COG4: variants seen among roughly 807,000 people sequenced by gnomAD.
COG4 encodes the protein component of oligomeric golgi complex 4, also known as conserved oligomeric Golgi complex subunit 4.
A neutral mutation model predicts 95.1 loss-of-function variants in COG4; 65 were observed. The observed-to-expected ratio is 0.68, with a 90% CI of 0.56 to 0.84. The LOEUF (loss-of-function observed/expected upper bound fraction) is 0.84, where lower values mean the gene tolerates loss of function less well. Among genes scored for constraint, COG4 ranks in the 40% least tolerant of loss-of-function variants. The probability of loss-of-function intolerance (pLI) is 0.00; values close to 1 mark genes in which losing one functional copy is unlikely to be tolerated. For missense variants in COG4, 1,045 were observed against 989.1 expected (o/e 1.06, Z -0.76); for synonymous variants, 421 against 374.8 (o/e 1.12, Z -1.42).
At chr16:70,497,453 G>A (rs1274776798) in intron 10 of COG4, 66 bp from the exon 11 acceptor site, 5 of 1,498,008 alleles carry the variant, frequency 3.3e-6, no homozygotes, top group Admixed American at 3.3e-5. Flanking sequence ...GATGATTCTG[G>A]GTACACTGGC....
rs772831502 is a variant in COG4 at position 70,491,824 on chromosome 16, CAAA to C, written c.1648-1435_1648-1433del. On this transcript the variant is annotated intron_variant, in intron 12 of 18. Transcript: ENST00000323786. The stretch of plus-strand genomic sequence containing the variant: ...CGGTGACAAGAACAAAACTACGTCT[CAAA>C]AAAAAAAAAAAAAAAAAAAAGTAAA... Among the ~76,000 whole-genome samples the C allele has an allele frequency of 5.2e-4, 31 of 59,336 alleles. 1 individual carries two copies. The highest frequency in any genetic ancestry group is 1.1e-3 in the African/African-American group (26 of 23,196). The allele number at this position is 59,336 out of a possible 152,430, so 38.9% of individuals were successfully genotyped here.
chr16:70,489,060 TG>T (rs1303897075), intron 13 of COG4, among the ~76,000 whole-genome samples: 3 of 152,138 alleles, frequency 2.0e-5, no homozygotes, highest in Admixed American at 2.0e-4. Flanking sequence ...GATTTGAACT[TG>T]GGGTATCTGG....
At chr16:70,483,475 C>T (rs983312057) in intron 14 of COG4, among the ~76,000 whole-genome samples, 11 of 151,682 alleles carry the variant, frequency 7.3e-5, no homozygotes, top group African/African-American at 2.2e-4. Context: ...TCCAGGGTAA[C>T]GATGAGGCCT....
At chr16:70,496,913 A>G (rs933134126) in intron 11 of COG4, among the ~76,000 whole-genome samples, 1 of 152,218 alleles carries the variant, frequency 6.6e-6, no homozygotes, top group African/African-American at 2.4e-5. Flanking sequence ...GCAGGAGATT[A>G]GCATAGTGCT....
intron 8 of COG4, among the ~76,000 whole-genome samples, chr16:70,506,623 A>AAAAC (rs2049580611): frequency 3.8e-5 from 5 of 133,166 alleles, no homozygotes; most frequent in Admixed American, 7.5e-5. Flanking sequence ...AAAAACAAAA[A>AAAAC]AAAAAACATT....
intron 13 of COG4, among the ~76,000 whole-genome samples, chr16:70,489,026 A>C (rs1287972325): frequency 6.6e-6 from 1 of 152,194 alleles, no homozygotes; most frequent in Non-Finnish European, 1.5e-5. Context: ...CTAAGGTCAC[A>C]CAGCTGGGCA....
At chr16:70,484,262 T>G (rs1183032175) in intron 13 of COG4, among the ~76,000 whole-genome samples, 1 of 152,192 alleles carries the variant, frequency 6.6e-6, no homozygotes, top group African/African-American at 2.4e-5. Context: ...CATGTATTAG[T>G]TGAGTGACCT....
In COG4 at chr16:70,482,811, G is replaced by C. The variant is rs755376017; in HGVS notation, c.1838C>G (p.Thr613Arg). 7 of 1,613,444 alleles carry C rather than the reference G, an allele frequency of 4.3e-6. No individual in the cohort carries two copies. The highest frequency in any genetic ancestry group is 1.1e-5 in the South Asian group (1 of 91,074). Residue 613 changes from threonine to arginine, a missense_variant, in exon 15 of 19, where the codon ACG becomes AGG. Thr to Arg is a moderately conservative substitution (Grantham distance 71). Transcript: ENST00000323786. ...KFRDLLQEGL[T>R]ELNSTAIKPQ... ...CTTGATGGCTGTGCTGTTGAGCTCC[G>C]TCAGCCCTTCCTGCACAAGGACAAG...
At position 70,512,382 on chromosome 16, in the gene COG4, G is replaced by A. The variant is rs2049726749; in HGVS notation, c.595C>T (p.Leu199Phe). Residue 199 changes from leucine (L) to phenylalanine (F), a missense_variant, in exon 5 of 19, where the codon CTC becomes TTC. Transcript: ENST00000323786. ...AACTTCTCTGCCACAATGGCTTTGA[G>A]ACGTTGCTCAGCTTCCTGCAGCAAT... Reference protein sequence around the residue: ...LKLLQEAEQRLKAIVAEKFAI... With the variant: ...LKLLQEAEQRFKAIVAEKFAI... The A allele has an allele frequency of 1.9e-6, 3 of 1,614,194 alleles. No homozygotes were observed. The highest frequency in any genetic ancestry group is 2.5e-6 in the Non-Finnish European group (3 of 1,180,038).
In COG4 at chr16:70,514,519, G is replaced by T; in HGVS notation, c.370-10C>A. ...CCTGATAGAGGCGGTTCTGCAAAAA[G>T]ATTTGGTACTTACAAACAATGTCCT... is the stretch of plus-strand genomic sequence containing the variant. On this transcript the variant is annotated splice_polypyrimidine_tract_variant and intron_variant, in intron 3 of 18. Coordinates refer to ENST00000323786, the MANE Select transcript of COG4 (RefSeq NM_015386.3). 3 of 1,612,462 alleles carry T rather than the reference G, an allele frequency of 1.9e-6. No homozygotes were observed. The highest frequency in any genetic ancestry group is 2.5e-6 in the Non-Finnish European group (3 of 1,178,912).
Position 70,501,818 on chromosome 16 carries a change from ATT to A in COG4, c.1062-729_1062-728del, listed in dbSNP as rs746516643. Among the ~76,000 whole-genome samples the A allele has an allele frequency of 3.4e-4, 47 of 136,274 alleles. 1 individual carries two copies. The highest frequency in any genetic ancestry group is 7.6e-4 in the African/African-American group (29 of 38,016). The allele number at this position is 136,274 out of a possible 152,430, so 89.4% of individuals were successfully genotyped here. On this transcript the variant is annotated intron_variant, in intron 8 of 18. Transcript: ENST00000323786. ...AGGAGTGTGCCACCCCACCTGGCAG[ATT>A]TTTTTTTTTTTTTTCAGATTTTTGT...
intron 14 of COG4, 63 bp from the exon 15 acceptor site, chr16:70,482,884 T>TTCTCCCCATCCCTTCCCTCTATCC (rs2049029923): frequency 4.9e-6 from 6 of 1,233,532 alleles, no homozygotes; most frequent in African/African-American, 1.5e-5. Context: ...TCCCTCTCTC[T>TTCTCCCCATCCCTTCCCTCTATCC]TCTCCCCATC....
intron 1 of COG4, among the ~76,000 whole-genome samples, chr16:70,521,641 CCAA>C (rs1285894329): frequency 2.0e-5 from 3 of 151,988 alleles, no homozygotes; most frequent in African/African-American, 7.3e-5. Context: ...AATTTTCCAC[CCAA>C]CATATTAAAT....
At chr16:70,502,897 C>T (rs1011579545) in intron 8 of COG4, among the ~76,000 whole-genome samples, 1 of 152,138 alleles carries the variant, frequency 6.6e-6, no homozygotes, top group Non-Finnish European at 1.5e-5. Context: ...TCAATGAGCG[C>T]TAGGACAATT....
chr16:70,523,413 T>C lies in COG4; in HGVS notation c.131A>G (p.Gln44Arg), dbSNP rs1385248920. 6.2e-7 allele frequency: 1 copy of C among 1,614,170 alleles called. No homozygotes were observed. Among genetic ancestry groups the C allele is most frequent in the Admixed American group, 1.7e-5 (1 of 60,020 alleles). ...AELIRSLTEL[Q>R]ELEAVYERLC... ...CCGTTCGTATACAGCCTCCAGCTCC[T>C]GCAGCTCTGTCAGGGAGCGAATGAG... Residue 44 changes from glutamine to arginine, a missense_variant, in exon 1 of 19, where the codon CAG (glutamine) becomes CGG (arginine). Gln to Arg is a conservative substitution (Grantham distance 43). Transcript: ENST00000323786.
chr16:70,497,530 C>G (rs993175594), intron 10 of COG4, 143 bp from the exon 11 acceptor site: 9 of 809,994 alleles, frequency 1.1e-5, no homozygotes, highest in Middle Eastern at 3.4e-4. Context: ...TCCTCCTTGT[C>G]AAAATAGCTT....
In COG4 at chr16:70,509,257, T is replaced by C. The variant is rs776692834; in HGVS notation, c.976A>G (p.Ile326Val). 11 of 1,614,214 alleles carry C rather than the reference T, an allele frequency of 6.8e-6. No individual in the cohort carries two copies. The highest frequency in any genetic ancestry group is 8.5e-6 in the Non-Finnish European group (10 of 1,180,048). Residue 326 changes from isoleucine to valine, a missense_variant, in exon 7 of 19, where the codon ATC becomes GTC. By Grantham distance (29) the Ile-to-Val change is conservative. Coordinates refer to ENST00000323786, the MANE Select transcript of COG4 (RefSeq NM_015386.3). ...RQVEKVVDKF[I>V]KQRDYHQQFR... ...TGCTGGTGGTAGTCCCTTTGCTTGATGAACTTGTCTACCACCTTCTCCACC... is the reference window on the plus strand; with the variant it reads ...TGCTGGTGGTAGTCCCTTTGCTTGACGAACTTGTCTACCACCTTCTCCACC...
intron 13 of COG4, among the ~76,000 whole-genome samples, chr16:70,489,220 ATT>A (rs34101495): frequency 6.3e-5 from 9 of 141,802 alleles, no homozygotes; most frequent in Admixed American, 7.1e-5. Flanking sequence ...TTTGATCCTG[ATT>A]TTTTTTTTTT....
intron 1 of COG4, chr16:70,523,164 C>T (rs2049989356): frequency 8.3e-6 from 5 of 604,050 alleles, no homozygotes; most frequent in Non-Finnish European, 1.5e-5. Flanking sequence ...TGCAGATCGC[C>T]CAGGTATCAG....
Sources: gnomAD v4.1 joint callset for allele counts (sites outside exome capture counted in the v4.1 genomes callset) on GRCh38, gnomAD v4.1.1 for gene constraint, MANE v1.5 for transcripts, NCBI Gene and HGNC (gene_info 2026-07-23, HGNC 2026-07-21) for gene names.